ZNF721: variants seen among roughly 807,000 people sequenced by gnomAD.
ZNF721 encodes the protein zinc finger protein 721.
A neutral mutation model predicts 2.4 loss-of-function variants in ZNF721; 2 were observed. That is an observed-to-expected ratio of 0.82 (90% CI 0.34 to 2.58). The LOEUF is 2.58. Ranked by LOEUF, ZNF721 falls within the 30% of genes most tolerant of loss-of-function variation. ZNF721 has a pLI of 0.11. For synonymous variants in ZNF721, 398 were observed against 381.8 expected (o/e 1.04, Z -0.50); for missense variants, 1,187 against 1,085.5 (o/e 1.09, Z -1.31).
intron 2 of ZNF721, among the ~76,000 whole-genome samples, chr4:454,544 A>G (rs1553865226): frequency 6.6e-6 from 1 of 151,660 alleles, no homozygotes; most frequent in Non-Finnish European, 1.5e-5. Context: ...TCTCACAATC[A>G]CTCTCCTTGC....
At chr4:483,535 G>T (rs1353235298) in intron 1 of ZNF721, among the ~76,000 whole-genome samples, 1 of 151,696 alleles carries the variant, frequency 6.6e-6, no homozygotes, top group African/African-American at 2.4e-5. Flanking sequence ...CTGGGTGACA[G>T]GGCAAGTCTC....
In ZNF721 at chr4:441,031, C is replaced by T. The variant is rs1714215622; in HGVS notation, c.*664G>A. On this transcript the variant is annotated 3_prime_UTR_variant, in exon 3 of 3. Transcript: ENST00000511833. Reference sequence around the variant, plus strand: ...CACATTTATTACATTTGTAGGATTTCTCTCCAATATAAATTCTCTGATGTT... The same window carrying T: ...CACATTTATTACATTTGTAGGATTTTTCTCCAATATAAATTCTCTGATGTT... The T allele has an allele frequency of 6.6e-6, 1 of 152,226 alleles. No homozygotes were observed. The highest frequency in any genetic ancestry group is 2.1e-4 in the South Asian group (1 of 4,836). 9.4% of individuals were successfully genotyped at this position (152,226 alleles called of 1,614,324 possible). A position where few individuals can be genotyped will look rare whatever the true frequency, so the allele number is the denominator to read the frequency against.
Position 440,667 on chromosome 4 carries a change from CTTTTT to C in ZNF721, c.*1023_*1027del, listed in dbSNP as rs1455474559. On this transcript the variant is annotated 3_prime_UTR_variant, in exon 3 of 3. Coordinates refer to ENST00000511833, the MANE Select transcript of ZNF721 (RefSeq NM_133474.4). ...GTAAAAATTCTCTGGTGTTTCTTTT[CTTTTT>C]ATCTTGTTTTGAGACAGAGTTTCAC... is the stretch of plus-strand genomic sequence containing the variant. The C allele has an allele frequency of 2.0e-5, 3 of 152,072 alleles. No individual in the cohort carries two copies. Among genetic ancestry groups the C allele is most frequent in the Non-Finnish European group, 4.4e-5 (3 of 67,994 alleles). 9.4% of individuals were successfully genotyped at this position (152,072 alleles called of 1,614,324 possible).
At chr4:449,102 T>A (rs1256474035) in intron 2 of ZNF721, among the ~76,000 whole-genome samples, 6 of 152,174 alleles carry the variant, frequency 3.9e-5, no homozygotes, top group African/African-American at 1.4e-4. Flanking sequence ...TTGTTTAATG[T>A]GTACTGAGTG....
rs782209725 is a variant in ZNF721, at chr4:444,363, A to G, written c.104T>C (p.Ile35Thr). 9.9e-6 allele frequency: 16 copies of G among 1,613,200 alleles called. No homozygotes were observed. Among genetic ancestry groups the G allele is most frequent in the Middle Eastern group, 1.6e-4 (1 of 6,078 alleles). ...CCCACATTTCTCATATCTTCTCAGT[A>G]TAAGTTTGTGGAATGAATCTTCTAT... The part of the protein sequence containing the change: ...QGIEDSFHKL[I>T]LRRYEKCGHD... The change falls in exon 3 of 3, where the codon ATA becomes ACA. Residue 35 changes from isoleucine (I) to threonine (T), a missense_variant. Physicochemically the swap from Ile to Thr is moderately conservative, Grantham distance 89. Coordinates refer to ENST00000511833, the MANE Select transcript of ZNF721 (RefSeq NM_133474.4).
At chr4:444,572 G>T (rs1000216685) in intron 2 of ZNF721, 140 bp from the exon 3 acceptor site, 16 of 882,294 alleles carry the variant, frequency 1.8e-5, no homozygotes, top group Non-Finnish European at 2.3e-5. Flanking sequence ...ACATATACAT[G>T]TAACAAACAT....
intron 2 of ZNF721, among the ~76,000 whole-genome samples, chr4:468,552 T>C (rs111287666): frequency 8.7e-4 from 132 of 152,272 alleles, no homozygotes; most frequent in African/African-American, 3.0e-3. Flanking sequence ...GCCTGCCATA[T>C]AGATTAATGT....
At chr4:468,438 GA>G (rs782103377) in intron 2 of ZNF721, among the ~76,000 whole-genome samples, 22 of 141,350 alleles carry the variant, frequency 1.6e-4, no homozygotes, top group East Asian at 1.2e-3. Context: ...ACAAAAAAAA[GA>G]AAAAAAAAAA....
chr4:469,385 G>A (rs1715357870), intron 2 of ZNF721, among the ~76,000 whole-genome samples: 2 of 151,754 alleles, frequency 1.3e-5, no homozygotes, highest in Non-Finnish European at 1.5e-5. Flanking sequence ...ATACAATAAA[G>A]CACAAAATCT....
intron 1 of ZNF721, among the ~76,000 whole-genome samples, chr4:476,407 A>G (rs540017216): frequency 1.5e-4 from 23 of 152,306 alleles, no homozygotes; most frequent in East Asian, 7.7e-4. Context: ...TTGTTTTTCA[A>G]CTGCAGAACT....
chr4:468,167 T>C (rs1055312941), intron 2 of ZNF721, among the ~76,000 whole-genome samples: 9 of 151,588 alleles, frequency 5.9e-5, no homozygotes, highest in African/African-American at 1.9e-4. Flanking sequence ...CTTGGGGGGC[T>C]GAGGCAGGAG....
chr4:463,707 G>C (rs568802589), intron 2 of ZNF721, among the ~76,000 whole-genome samples: 1 of 152,132 alleles, frequency 6.6e-6, no homozygotes, highest in Non-Finnish European at 1.5e-5. Flanking sequence ...GTTGAACAAT[G>C]AGAACACATG....
At chr4:487,969 C>G (rs1303860679) in intron 1 of ZNF721, among the ~76,000 whole-genome samples, 1 of 152,204 alleles carries the variant, frequency 6.6e-6, no homozygotes, top group Non-Finnish European at 1.5e-5. Flanking sequence ...GGCCGTGGGC[C>G]AAGCACAGAC....
At chr4:491,586 G>A (rs1243444846) in intron 1 of ZNF721, among the ~76,000 whole-genome samples, 2 of 152,186 alleles carry the variant, frequency 1.3e-5, no homozygotes, top group African/African-American at 2.4e-5. Flanking sequence ...AGTAATTAGA[G>A]ACTCTTAAGA....
chr4:456,503 ATTT>A lies in ZNF721; in HGVS notation c.35-12074_35-12072del, dbSNP rs528877072. ...AAATTGCTTCGAGTAAAACCTAATGATTTTTATTTGAATGAATTTTATTTGAAT... is the reference window on the plus strand; with the variant it reads ...AAATTGCTTCGAGTAAAACCTAATGATTATTTGAATGAATTTTATTTGAAT... On this transcript the variant is annotated intron_variant, in intron 2 of 2. Coordinates refer to ENST00000511833, the MANE Select transcript of ZNF721 (RefSeq NM_133474.4). Among the ~76,000 whole-genome samples the A allele has an allele frequency of 1.8e-3, 272 of 152,350 alleles. 1 individual carries two copies. The highest frequency in any genetic ancestry group is 6.4e-3 in the African/African-American group (265 of 41,580).
Position 441,916 on chromosome 4 carries a change from T to C in ZNF721, c.2551A>G (p.Ile851Val), listed in dbSNP as rs1272308031. The C allele has an allele frequency of 2.5e-6, 4 of 1,613,796 alleles. No individual in the cohort carries two copies. The highest frequency in any genetic ancestry group is 1.7e-5 in the Admixed American group (1 of 60,002). Reference sequence around the variant, plus strand: ...TGAATTCTCCTATGTACATAAAGGATTGCTGACTGTCTAAAGGCTTTGCCA... The same window carrying C: ...TGAATTCTCCTATGTACATAAAGGACTGCTGACTGTCTAAAGGCTTTGCCA... ...ECGKAFRQSAILYVHRRIHTG... is the reference protein window; with the variant it reads ...ECGKAFRQSAVLYVHRRIHTG... The change falls in exon 3 of 3, where the codon ATC becomes GTC. Residue 851 changes from isoleucine to valine, a missense_variant. Coordinates refer to ENST00000511833, the MANE Select transcript of ZNF721 (RefSeq NM_133474.4).
At chr4:451,041 G>A (rs1024122605) in intron 2 of ZNF721, among the ~76,000 whole-genome samples, 1 of 137,952 alleles carries the variant, frequency 7.2e-6, no homozygotes, top group Admixed American at 7.6e-5. Flanking sequence ...GTTTACACAA[G>A]CATGTTCATT....
At chr4:447,061 C>G (rs1186796074) in intron 2 of ZNF721, among the ~76,000 whole-genome samples, 1 of 152,144 alleles carries the variant, frequency 6.6e-6, no homozygotes, top group Non-Finnish European at 1.5e-5. Context: ...GTGGCTCACA[C>G]CTGTAATCCC....
Position 442,779 on chromosome 4 carries a change from C to T in ZNF721, c.1688G>A (p.Gly563Asp), listed in dbSNP as rs1714306796. 1.2e-6 allele frequency: 2 copies of T among 1,613,910 alleles called. No individual in the cohort carries two copies. The highest frequency in any genetic ancestry group is 1.7e-6 in the Non-Finnish European group (2 of 1,179,986). ...GEKPYTCEEC[G>D]KTFRQSANLY... ...GTTTGCGGACTGTCTAAAGGTTTTG[C>T]CACATTCTTCACATGTGTAGGGTTT... The change falls in exon 3 of 3, where the codon GGC becomes GAC. Residue 563 changes from glycine to aspartate, a missense_variant. Transcript: ENST00000511833.
Sources: gnomAD v4.1 joint callset for allele counts (sites outside exome capture counted in the v4.1 genomes callset) on GRCh38, gnomAD v4.1.1 for gene constraint, MANE v1.5 for transcripts, NCBI Gene and HGNC (gene_info 2026-07-23, HGNC 2026-07-21) for gene names.